The following MBTPS1 variants were observed in gnomAD, a reference collection of about 807,000 sequenced individuals.
MBTPS1 encodes membrane-bound transcription factor site-1 protease.
Under a neutral mutation model 127.8 loss-of-function variants are expected in MBTPS1, and 94 were observed. That is an observed-to-expected ratio of 0.74 (90% CI 0.62 to 0.87). MBTPS1 has a LOEUF of 0.87. MBTPS1 is among the 40% of genes least tolerant of loss of function. The pLI is 0.00. For synonymous variants in MBTPS1, 632 were observed against 509.4 expected (o/e 1.24, Z -3.24); for missense variants, 1,636 against 1,353.2 (o/e 1.21, Z -3.28).
rs1184601615 is a variant in MBTPS1, at chr16:84,101,867, G to A, written c.-84C>T. 20 of 1,304,526 alleles carry A rather than the reference G, an allele frequency of 1.5e-5. No homozygotes were observed. Among genetic ancestry groups the A allele is most frequent in the East Asian group, 2.3e-5 (1 of 43,032 alleles). The allele number at this position is 1,304,526 out of a possible 1,614,324, so 80.8% of individuals were successfully genotyped here. The stretch of plus-strand genomic sequence containing the variant: ...TGATTAAAAGTGAATTTTTGTTTCA[G>A]CTAAAAGCTGCAACATTACTAATCA... On this transcript the variant is annotated 5_prime_UTR_variant, in exon 2 of 23. Transcript: ENST00000343411.
intron 12 of MBTPS1, among the ~76,000 whole-genome samples, chr16:84,073,236 C>T (rs1206680406): frequency 4.6e-5 from 7 of 152,118 alleles, no homozygotes; most frequent in South Asian, 2.1e-4. Flanking sequence ...CAGGTTCAAG[C>T]GATTCTCCTG....
In MBTPS1 at chr16:84,098,321, A is replaced by C. The variant is rs541721841; in HGVS notation, c.421+732T>G. On this transcript the variant is annotated intron_variant, in intron 3 of 22. Coordinates refer to ENST00000343411, the MANE Select transcript of MBTPS1 (RefSeq NM_003791.4). ...AAACATGTTTTGCAAGAGTGCCTTTAAAAATCGGGCTGGGTGCAGTGACTC... is the reference window on the plus strand; with the variant it reads ...AAACATGTTTTGCAAGAGTGCCTTTCAAAATCGGGCTGGGTGCAGTGACTC... Among the ~76,000 whole-genome samples the C allele has an allele frequency of 4.6e-5, 7 of 152,302 alleles. 1 individual carries two copies. The South Asian group carries it at 1.5e-3, about 32-fold the overall frequency.
At chr16:84,070,856 C>T (rs769084946) in intron 12 of MBTPS1, 80 bp from the exon 13 acceptor site, 10 of 1,101,396 alleles carry the variant, frequency 9.1e-6, no homozygotes, top group Non-Finnish European at 1.2e-5. Context: ...AAACTCAATT[C>T]TTACCAAAAC....
intron 18 of MBTPS1, among the ~76,000 whole-genome samples, chr16:84,065,365 C>A (rs2085666579): frequency 6.6e-6 from 1 of 152,112 alleles, no homozygotes; most frequent in Admixed American, 6.5e-5. Context: ...GATCTGCCTG[C>A]CTCAGCCTCT....
intron 6 of MBTPS1, 67 bp downstream of exon 6, chr16:84,093,121 C>G (rs1567495854): frequency 5.9e-6 from 6 of 1,022,816 alleles, no homozygotes; most frequent in Non-Finnish European, 3.1e-6. Context: ...TGTGTACAGT[C>G]CAGTGATTCT....
At chr16:84,056,177 G>A (rs369309101) in intron 21 of MBTPS1, 42 bp from the exon 22 acceptor site, 7 of 1,566,164 alleles carry the variant, frequency 4.5e-6, no homozygotes, top group East Asian at 2.3e-5. Flanking sequence ...ATAAGCCATT[G>A]TACTAGTCTA....
At position 84,085,014 on chromosome 16, in the gene MBTPS1, C is replaced by T; in HGVS notation, c.1255G>A (p.Val419Met). 6.2e-7 allele frequency: 1 copy of T among 1,614,206 alleles called. No individual in the cohort carries two copies. The highest frequency in any genetic ancestry group is 2.2e-5 in the East Asian group (1 of 44,868). ...AACAAGGTGACAGCACCTGCAACCA[C>T]TGGAGAAGCAACACTGGTCCCTGAG... is the stretch of plus-strand genomic sequence containing the variant. ...ALSGTSVASP[V>M]VAGAVTLLVS... is the part of the protein sequence containing the mutation. The change falls in exon 10 of 23, where the codon GTG (valine) becomes ATG (methionine). Residue 419 changes from valine (V) to methionine (M), a missense_variant. Transcript: ENST00000343411.
At chr16:84,085,848 T>A in intron 9 of MBTPS1, 1 of 151,646 alleles carries the variant, frequency 6.6e-6, no homozygotes, top group Non-Finnish European at 1.5e-5. Flanking sequence ...ATTAGAAAAT[T>A]AAAATGTAAA....
At chr16:84,115,847 C>G (rs943172970) in intron 1 of MBTPS1, among the ~76,000 whole-genome samples, 1 of 151,736 alleles carries the variant, frequency 6.6e-6, no homozygotes, top group South Asian at 2.1e-4. Context: ...GAATAGTACA[C>G]TTAAAACAGG....
intron 3 of MBTPS1, 135 bp from the exon 4 acceptor site, chr16:84,095,940 T>G (rs376111198): frequency 3.0e-6 from 2 of 663,778 alleles, no homozygotes; most frequent in East Asian, 2.7e-5. Context: ...ATTATCTTCT[T>G]TTTCTGGAAG....
chr16:84,055,910 G>C, intron 22 of MBTPS1, 95 bp downstream of exon 22: 3 of 1,383,892 alleles, frequency 2.2e-6, no homozygotes, highest in Non-Finnish European at 3.0e-6. Context: ...GGCAGAGACA[G>C]GGAGAGTCTG....
chr16:84,076,619 T>C (rs1025809129), intron 11 of MBTPS1, among the ~76,000 whole-genome samples: 3 of 151,992 alleles, frequency 2.0e-5, no homozygotes, highest in African/African-American at 7.2e-5. Flanking sequence ...CATATAGAAA[T>C]AAAATCAACC....
At chr16:84,065,139 A>G (rs1368571078) in intron 18 of MBTPS1, among the ~76,000 whole-genome samples, 1 of 131,028 alleles carries the variant, frequency 7.6e-6, no homozygotes, top group Admixed American at 7.4e-5. Context: ...TTTTTTTTTG[A>G]GATGGTCTCC....
chr16:84,108,996 G>C (rs1490143916), intron 1 of MBTPS1, among the ~76,000 whole-genome samples: 1 of 152,232 alleles, frequency 6.6e-6, no homozygotes, highest in African/African-American at 2.4e-5. Context: ...AGAAATCTAA[G>C]TGCACGTGTA....
intron 9 of MBTPS1, among the ~76,000 whole-genome samples, chr16:84,085,354 C>T (rs1403610454): frequency 6.6e-6 from 1 of 152,116 alleles, no homozygotes; most frequent in Non-Finnish European, 1.5e-5. Flanking sequence ...ACTGCTTGAG[C>T]CCAGGAGTTC....
chr16:84,066,763 G>A, intron 16 of MBTPS1, 150 bp from the exon 17 acceptor site: 4 of 719,590 alleles, frequency 5.6e-6, no homozygotes, highest in Non-Finnish European at 6.5e-6. Flanking sequence ...TCTGGGTTTG[G>A]GTAAAACTGC....
chr16:84,059,851 T>C, intron 20 of MBTPS1: 1 of 156,356 alleles, frequency 6.4e-6, no homozygotes, highest in Non-Finnish European at 1.4e-5. Flanking sequence ...TTTCTATTTC[T>C]TAGATCTGCA....
At chr16:84,056,220 A>G (rs936077380) in intron 21 of MBTPS1, 85 bp from the exon 22 acceptor site, 9 of 1,141,918 alleles carry the variant, frequency 7.9e-6, no homozygotes, top group African/African-American at 3.1e-5. Context: ...CTGAAACTCA[A>G]GACAGAGCAA....
At chr16:84,096,829 T>C (rs1380343267) in intron 3 of MBTPS1, among the ~76,000 whole-genome samples, 1 of 152,232 alleles carries the variant, frequency 6.6e-6, no homozygotes, top group Admixed American at 6.5e-5. Context: ...GGGACAATGC[T>C]GCAGGTGCTG....
Sources: allele counts gnomAD v4.1 joint callset (sites outside exome capture counted in the v4.1 genomes callset), GRCh38; gene constraint gnomAD v4.1.1; transcripts MANE v1.5; gene names NCBI Gene and HGNC (gene_info 2026-07-23, HGNC 2026-07-21).